Variants in EVA1C observed in about 807,000 individuals in gnomAD.
EVA1C encodes protein eva-1 homolog C.
Under a neutral mutation model 45.4 loss-of-function variants are expected in EVA1C, and 25 were observed. That is an observed-to-expected ratio of 0.55 (90% CI 0.40 to 0.77). EVA1C has a LOEUF of 0.77. EVA1C is among the 30% of genes least tolerant of loss of function. EVA1C has a pLI of 0.00. For missense variants in EVA1C, 479 were observed against 554.8 expected (o/e 0.86, Z 1.37); for synonymous variants, 190 against 221.2 (o/e 0.86, Z 1.25).
chr21:32,442,975 GGGAA>G (rs1420741308), intron 1 of EVA1C, among the ~76,000 whole-genome samples: 3 of 142,914 alleles, frequency 2.1e-5, no homozygotes, highest in Non-Finnish European at 3.1e-5. Context: ...GAAGGAAGAA[GGGAA>G]GGAAGGGAGG....
intron 2 of EVA1C, 101 bp from the exon 3 acceptor site, chr21:32,457,496 G>A: frequency 1.4e-6 from 2 of 1,429,804 alleles, no homozygotes; most frequent in South Asian, 1.2e-5. Context: ...CAGGTGGGGA[G>A]GCGTCCTTCC....
intron 3 of EVA1C, among the ~76,000 whole-genome samples, chr21:32,461,703 C>T (rs750215997): frequency 2.6e-5 from 4 of 152,212 alleles, no homozygotes; most frequent in African/African-American, 7.2e-5. Context: ...TGCCACTGAT[C>T]GGGTTTATTT....
intron 1 of EVA1C, among the ~76,000 whole-genome samples, chr21:32,429,028 A>T (rs980294780): frequency 1.6e-4 from 23 of 145,308 alleles, no homozygotes; most frequent in African/African-American, 4.9e-4. Flanking sequence ...TTATTTATTT[A>T]TTTATTTTTT....
At chr21:32,481,541 G>A (rs2036788250) in intron 4 of EVA1C, among the ~76,000 whole-genome samples, 1 of 149,600 alleles carries the variant, frequency 6.7e-6, no homozygotes, top group African/African-American at 2.5e-5. Flanking sequence ...AAAGTTAAAG[G>A]ATATGTCTTT....
chr21:32,487,742 T>C (rs532850815), intron 4 of EVA1C, among the ~76,000 whole-genome samples: 1 of 145,162 alleles, frequency 6.9e-6, no homozygotes, highest in South Asian at 2.2e-4. Flanking sequence ...AAAGAGAGAG[T>C]AGAACCCCCA....
At chr21:32,493,806 A>AT (rs1296366998) in intron 4 of EVA1C, 11 of 150,668 alleles carry the variant, frequency 7.3e-5, no homozygotes, top group Admixed American at 7.3e-4. Context: ...TTATTTATTT[A>AT]TTTATTTATT....
chr21:32,446,947 C>T (rs979089157), intron 1 of EVA1C, among the ~76,000 whole-genome samples: 1 of 152,208 alleles, frequency 6.6e-6, no homozygotes, highest in Non-Finnish European at 1.5e-5. Flanking sequence ...TCTGACCTTG[C>T]TGGTCCTCAT....
intron 6 of EVA1C, among the ~76,000 whole-genome samples, chr21:32,501,868 G>A (rs561316181): frequency 1.3e-5 from 2 of 152,154 alleles, no homozygotes; most frequent in South Asian, 4.2e-4. Flanking sequence ...GGGCCAACTA[G>A]GACCTGAGGG....
rs1478190655 is a variant in EVA1C, at chr21:32,474,810, C to T, written c.634+6962C>T. 6.6e-6 allele frequency among the ~76,000 whole-genome samples: 1 copy of T among 152,214 alleles called. No homozygotes were observed. Among genetic ancestry groups the T allele is most frequent in the African/African-American group, 2.4e-5 (1 of 41,454 alleles). On this transcript the variant is annotated intron_variant, in intron 4 of 7. Coordinates refer to ENST00000300255, the MANE Select transcript of EVA1C (RefSeq NM_058187.5). This position sits in a 1 kb window ranked among gnomAD's most constrained non-coding sequence, Gnocchi z 4.4. ...GGCCTGGTGTCACAGCTTCCAACCT[C>T]ATGGGATGCTGGAAATCTGGATTTT...
intron 4 of EVA1C, among the ~76,000 whole-genome samples, chr21:32,491,343 G>C (rs1458976127): frequency 2.6e-5 from 4 of 152,144 alleles, no homozygotes; most frequent in African/African-American, 9.6e-5. Flanking sequence ...AGTCGGACTT[G>C]GTCAGATGGG....
At chr21:32,459,917 T>C (rs1354601374) in intron 3 of EVA1C, among the ~76,000 whole-genome samples, 1 of 151,854 alleles carries the variant, frequency 6.6e-6, no homozygotes, top group African/African-American at 2.4e-5. Context: ...AATATGACTG[T>C]TGGTTGTGAT....
chr21:32,418,360 A>G (rs2034134685), intron 1 of EVA1C, among the ~76,000 whole-genome samples: 1 of 152,210 alleles, frequency 6.6e-6, no homozygotes, highest in Non-Finnish European at 1.5e-5. Context: ...GAAAGTGACT[A>G]CATCTGAAAA....
At chr21:32,426,784 C>G in intron 1 of EVA1C, among the ~76,000 whole-genome samples, 1 of 152,110 alleles carries the variant, frequency 6.6e-6, no homozygotes, top group East Asian at 1.9e-4. Context: ...CCTCCATCAC[C>G]CCTTCAGACA....
At chr21:32,450,382 CAT>C (rs1555857161) in intron 1 of EVA1C, among the ~76,000 whole-genome samples, 1 of 105,194 alleles carries the variant, frequency 9.5e-6, no homozygotes, top group Non-Finnish European at 1.8e-5. Context: ...GGAGCCTTGT[CAT>C]TTTTTTTTTT....
chr21:32,491,171 T>C (rs1312470488), intron 4 of EVA1C, among the ~76,000 whole-genome samples: 1 of 152,102 alleles, frequency 6.6e-6, no homozygotes. Context: ...CAGAGGAGCA[T>C]GTGCAAAGAT....
At position 32,452,487 on chromosome 21, in the gene EVA1C, T is replaced by G. The variant is rs868487840; in HGVS notation, c.161-825T>G. 1 of 152,236 alleles carries G rather than the reference T, an allele frequency of 6.6e-6. No individual in the cohort carries two copies. The allele number at this position is 152,236 out of a possible 1,614,324, so 9.4% of individuals were successfully genotyped here. A position where few individuals can be genotyped will look rare whatever the true frequency, so the allele number is the denominator to read the frequency against. On this transcript the variant is annotated intron_variant, in intron 1 of 7. Transcript: ENST00000300255. This position sits in a 1 kb window ranked among gnomAD's most constrained non-coding sequence, Gnocchi z 4.0. ...GCTTGTAGAATTGGGTGTTTACAGCTCCCGAAGCCCCAGTGGGCATGTGTT... is the reference window on the plus strand; with the variant it reads ...GCTTGTAGAATTGGGTGTTTACAGCGCCCGAAGCCCCAGTGGGCATGTGTT...
intron 4 of EVA1C, among the ~76,000 whole-genome samples, chr21:32,479,725 A>G (rs182060064): frequency 0.023 from 3,546 of 151,850 alleles, 58 homozygotes; most frequent in Non-Finnish European, 0.035. Context: ...CCAAGGTGGG[A>G]GGATCACTTG....
intron 1 of EVA1C, among the ~76,000 whole-genome samples, chr21:32,413,377 G>T (rs1258996887): frequency 6.6e-6 from 1 of 152,234 alleles, no homozygotes; most frequent in Non-Finnish European, 1.5e-5. Context: ...GTGGTCGGAG[G>T]CGTTGCGCCG....
intron 4 of EVA1C, among the ~76,000 whole-genome samples, chr21:32,487,796 T>G (rs998580328): frequency 6.6e-6 from 1 of 151,810 alleles, no homozygotes; most frequent in Non-Finnish European, 1.5e-5. Flanking sequence ...AACCTTGCCG[T>G]GTGCATCTCT....
Sources: gnomAD v4.1 joint callset for allele counts (sites outside exome capture counted in the v4.1 genomes callset) on GRCh38, gnomAD v4.1.1 for gene constraint, Gnocchi (gnomAD v3.1) non-coding constraint, MANE v1.5 for transcripts, NCBI Gene and HGNC (gene_info 2026-07-23, HGNC 2026-07-21) for gene names.